The following NR2C2 variants were observed in gnomAD, a reference collection of about 807,000 sequenced individuals.
NR2C2 encodes the protein Nuclear hormone receptor TR4.
A neutral mutation model predicts 62.9 loss-of-function variants in NR2C2; 6 were observed. That is an observed-to-expected ratio of 0.10 (90% CI 0.05 to 0.19). The LOEUF (loss-of-function observed/expected upper bound fraction) is 0.19, where lower values mean the gene tolerates loss of function less well. Ranked by LOEUF, NR2C2 falls within the 10% of genes least tolerant of loss-of-function variation. NR2C2 has a pLI of 1.00. For synonymous variants in NR2C2, 272 were observed against 273.8 expected, an observed-to-expected ratio of 0.99 and a Z score of 0.07; for missense variants, 479 against 762.7, an observed-to-expected ratio of 0.63 and a Z score of 4.38.
chr3:14,986,609 C>T (rs2040520606), intron 1 of NR2C2, among the ~76,000 whole-genome samples: 1 of 152,164 alleles, frequency 6.6e-6, no homozygotes, highest in Non-Finnish European at 1.5e-5. Context: ...GAGAACATCT[C>T]CTTTCTTGAA....
intron 1 of NR2C2, among the ~76,000 whole-genome samples, chr3:15,001,480 C>A (rs932054639): frequency 1.5e-4 from 22 of 151,438 alleles, no homozygotes; most frequent in African/African-American, 5.3e-4. Flanking sequence ...GATTACAGGC[C>A]CCGCCATCAT....
Position 15,043,155 on chromosome 3 carries a change from A to C in NR2C2, c.*147A>C. 1.6e-6 allele frequency: 1 copy of C among 612,024 alleles called. No individual in the cohort carries two copies. The highest frequency in any genetic ancestry group is 2.5e-6 in the Non-Finnish European group (1 of 397,676). 37.9% of individuals were successfully genotyped at this position (612,024 alleles called of 1,614,324 possible). A position where few individuals can be genotyped will look rare whatever the true frequency, so the allele number is the denominator to read the frequency against. On this transcript the variant is annotated 3_prime_UTR_variant, in exon 14 of 14. Coordinates refer to ENST00000425241, the MANE Select transcript of NR2C2 (RefSeq NM_001291694.2). The stretch of plus-strand genomic sequence containing the variant: ...TTCTCCTTATCTGTTAATCCCAGAC[A>C]ATAGCAATTAAAAGACTAGTAGGAT...
chr3:14,979,707 AATAATGAAGAGTCCTGTGTGG>A (rs2040309507), intron 1 of NR2C2, among the ~76,000 whole-genome samples: 1 of 152,036 alleles, frequency 6.6e-6, no homozygotes, highest in African/African-American at 2.4e-5. Context: ...ACAATAAAGG[AATAATGAAGAGTCCTGTGTGG>A]CAGCAGTGCA....
intron 1 of NR2C2, among the ~76,000 whole-genome samples, chr3:14,966,011 T>A (rs2039843413): frequency 6.6e-6 from 1 of 152,208 alleles, no homozygotes; most frequent in Admixed American, 6.5e-5. Context: ...TTGTGTCCTT[T>A]GAATTTTTGA....
At chr3:15,028,564 G>A in intron 7 of NR2C2, 22 bp from the exon 8 acceptor site, 1 of 1,603,800 alleles carries the variant, frequency 6.2e-7, no homozygotes, top group Non-Finnish European at 8.5e-7. Context: ...CATTTTTAAT[G>A]TCAGTATTTT....
At chr3:15,030,013 T>G (rs2041937289) in intron 8 of NR2C2, among the ~76,000 whole-genome samples, 1 of 152,142 alleles carries the variant, frequency 6.6e-6, no homozygotes, top group African/African-American at 2.4e-5. Context: ...TAAGATGATG[T>G]GTAGATAATA....
At chr3:14,974,070 T>A (rs1351455572) in intron 1 of NR2C2, among the ~76,000 whole-genome samples, 1 of 152,188 alleles carries the variant, frequency 6.6e-6, no homozygotes, top group Non-Finnish European at 1.5e-5. Flanking sequence ...AAACTGAAAC[T>A]CTATACTTAT....
At chr3:15,025,842 CCTTT>C (rs1344899489) in intron 7 of NR2C2, 2 of 152,096 alleles carry the variant, frequency 1.3e-5, no homozygotes, top group African/African-American at 2.4e-5. Flanking sequence ...CTTCAACATA[CCTTT>C]CTGTTAATGA....
At chr3:15,010,254 A>C (rs2041311533) in intron 2 of NR2C2, among the ~76,000 whole-genome samples, 1 of 151,840 alleles carries the variant, frequency 6.6e-6, no homozygotes, top group Admixed American at 6.6e-5. Context: ...GTGTTCCAAT[A>C]GGGTATTTGG....
At chr3:15,026,670 C>A (rs895566824) in intron 7 of NR2C2, 2 of 152,056 alleles carry the variant, frequency 1.3e-5, no homozygotes, top group African/African-American at 4.8e-5. Flanking sequence ...TGTATCAGTA[C>A]TTCATTCCTT....
rs144082511 is a variant in NR2C2, at chr3:15,045,870, AG to A, written c.*2863del. 227 of 152,398 alleles carry A rather than the reference AG, an allele frequency of 1.5e-3. 1 individual carries two copies. Among genetic ancestry groups the A allele is most frequent in the African/African-American group, 5.0e-3 (206 of 41,572 alleles). 9.4% of individuals were successfully genotyped at this position (152,398 alleles called of 1,614,324 possible). A position where few individuals can be genotyped will look rare whatever the true frequency, so the allele number is the denominator to read the frequency against. ...CCTGGCTGCTCCTCCCTCAATGAGG[AG>A]AGGCAGCTGGCTCAGAGAGGTGGGA... On this transcript the variant is annotated 3_prime_UTR_variant, in exon 14 of 14. Transcript: ENST00000425241.
chr3:15,038,040 C>T lies in NR2C2; in HGVS notation c.1413C>T (p.His471=). The stretch of plus-strand genomic sequence containing the variant: ...ACCGGATAAAGCAAGTCATGGAGCA[C>T]ATCTGGAAGCTGCAGGAGTTCTGTA... ...SGDRIKQVME[H]IWKLQEFCNS... Residue 471 remains histidine (H), a synonymous_variant, in exon 12 of 14, where the codon CAC becomes CAT. Coordinates refer to ENST00000425241, the MANE Select transcript of NR2C2 (RefSeq NM_001291694.2). 6.2e-7 allele frequency: 1 copy of T among 1,614,098 alleles called. No individual in the cohort carries two copies. Among genetic ancestry groups the T allele is most frequent in the Non-Finnish European group, 8.5e-7 (1 of 1,180,008 alleles).
intron 4 of NR2C2, among the ~76,000 whole-genome samples, chr3:15,019,190 G>A (rs1184975135): frequency 6.6e-6 from 1 of 151,522 alleles, no homozygotes; most frequent in Non-Finnish European, 1.5e-5. Flanking sequence ...CATGGCCACT[G>A]CACTCCAGTC....
chr3:15,000,165 C>G (rs2040949169), intron 1 of NR2C2, among the ~76,000 whole-genome samples: 1 of 152,090 alleles, frequency 6.6e-6, no homozygotes, highest in Admixed American at 6.6e-5. Flanking sequence ...TGACTTTCAT[C>G]TCCCCATTCC....
At chr3:15,041,685 C>G (rs1379709948) in intron 13 of NR2C2, among the ~76,000 whole-genome samples, 2 of 152,088 alleles carry the variant, frequency 1.3e-5, no homozygotes, top group African/African-American at 4.8e-5. Context: ...GAGACCCCAT[C>G]TCTATGACAA....
chr3:15,039,247 G>A lies in NR2C2; in HGVS notation c.1616+20G>A. The A allele has an allele frequency of 6.6e-7, 1 of 1,522,886 alleles. No homozygotes were observed. Among genetic ancestry groups the A allele is most frequent in the Non-Finnish European group, 9.1e-7 (1 of 1,096,824 alleles). The allele number at this position is 1,522,886 out of a possible 1,614,324, so 94.3% of individuals were successfully genotyped here. On this transcript the variant is annotated intron_variant, in intron 13 of 13. Transcript: ENST00000425241. ...CTACCGGTGAGGCATTCAGGCATAT[G>A]CGCTCTTGCTTGGGGCTGCAAGGAG...
intron 1 of NR2C2, among the ~76,000 whole-genome samples, chr3:14,995,903 A>AT (rs1393646590): frequency 6.6e-6 from 1 of 151,852 alleles, no homozygotes; most frequent in African/African-American, 2.4e-5. Context: ...TCTTATTGTG[A>AT]TTTTTATTTG....
In NR2C2 at chr3:15,045,306, C is replaced by G. The variant is rs1157805070; in HGVS notation, c.*2298C>G. On this transcript the variant is annotated 3_prime_UTR_variant, in exon 14 of 14. Coordinates refer to ENST00000425241, the MANE Select transcript of NR2C2 (RefSeq NM_001291694.2). ...CTTGGTGTTGGTGAAAAGGTCTCCA[C>G]CAGCCCCTCCTCTCATTCCCAGGTC... 6.6e-6 allele frequency: 1 copy of G among 152,544 alleles called. No homozygotes were observed. The highest frequency in any genetic ancestry group is 1.5e-5 in the Non-Finnish European group (1 of 68,062). The allele number at this position is 152,544 out of a possible 1,614,324, so 9.4% of individuals were successfully genotyped here.
At chr3:14,964,985 C>T (rs2039798153) in intron 1 of NR2C2, among the ~76,000 whole-genome samples, 1 of 152,144 alleles carries the variant, frequency 6.6e-6, no homozygotes, top group Non-Finnish European at 1.5e-5. Context: ...TACATACCCA[C>T]ACTCACTCAG....
Sources: allele counts gnomAD v4.1 joint callset (sites outside exome capture counted in the v4.1 genomes callset), GRCh38; gene constraint gnomAD v4.1.1; transcripts MANE v1.5; gene names NCBI Gene and HGNC (gene_info 2026-07-23, HGNC 2026-07-21).